The following TMCC1 variants were observed in gnomAD, a reference collection of about 807,000 sequenced individuals.
TMCC1 encodes transmembrane and coiled-coil domains protein 1.
A neutral mutation model predicts 52.4 loss-of-function variants in TMCC1; 15 were observed. That is an observed-to-expected ratio of 0.29 (90% CI 0.19 to 0.44). The LOEUF (loss-of-function observed/expected upper bound fraction) is 0.44. TMCC1 is among the 20% of genes least tolerant of loss of function. The pLI, the probability that TMCC1 is intolerant of heterozygous loss-of-function variation, is 1.00. For missense variants in TMCC1, 503 were observed against 806.0 expected (o/e 0.62, Z 4.55); for synonymous variants, 279 against 301.9 (o/e 0.92, Z 0.79).
intron 5 of TMCC1, among the ~76,000 whole-genome samples, chr3:129,663,128 C>A (rs183760966): frequency 4.7e-4 from 72 of 152,246 alleles, no homozygotes; most frequent in African/African-American, 1.7e-3. Context: ...GAGCCAGGGG[C>A]CTTTTGTGTC....
chr3:129,819,035 C>T (rs1005351206), intron 4 of TMCC1: 3 of 152,766 alleles, frequency 2.0e-5, no homozygotes, highest in African/African-American at 7.2e-5. Context: ...TAGCCTAAGA[C>T]GAAATGAAAT....
chr3:129,871,542 A>T (rs1002129873), intron 2 of TMCC1, among the ~76,000 whole-genome samples: 2 of 152,188 alleles, frequency 1.3e-5, no homozygotes, highest in African/African-American at 4.8e-5. Flanking sequence ...TTATACCATT[A>T]TTCGAGATCT....
At chr3:129,844,040 A>G (rs2059549259) in intron 2 of TMCC1, among the ~76,000 whole-genome samples, 1 of 152,184 alleles carries the variant, frequency 6.6e-6, no homozygotes, top group Admixed American at 6.5e-5. Context: ...TAGGCTAAGT[A>G]GGGTTTATCC....
chr3:129,830,045 C>T (rs554754116), intron 3 of TMCC1, among the ~76,000 whole-genome samples: 1 of 152,294 alleles, frequency 6.6e-6, no homozygotes, highest in South Asian at 2.1e-4. Flanking sequence ...TTTCTAAATG[C>T]CACAAAATTG....
intron 1 of TMCC1, among the ~76,000 whole-genome samples, chr3:129,887,627 T>G (rs1003586063): frequency 1.3e-5 from 2 of 151,530 alleles, no homozygotes; most frequent in African/African-American, 4.9e-5. Context: ...AACAAAATAC[T>G]GTGAGCATTA....
intron 4 of TMCC1, among the ~76,000 whole-genome samples, chr3:129,786,329 T>C (rs1189751627): frequency 6.6e-6 from 1 of 152,180 alleles, no homozygotes; most frequent in Non-Finnish European, 1.5e-5. Context: ...GCTCCCTTCC[T>C]GCAATATTTT....
intron 5 of TMCC1, among the ~76,000 whole-genome samples, chr3:129,667,430 G>A (rs992462056): frequency 1.3e-5 from 2 of 151,538 alleles, no homozygotes; most frequent in Non-Finnish European, 2.9e-5. Flanking sequence ...CCTTTTTTGG[G>A]GAAAAAAAGG....
At chr3:129,681,745 T>G (rs2108921566) in intron 4 of TMCC1, among the ~76,000 whole-genome samples, 1 of 151,892 alleles carries the variant, frequency 6.6e-6, no homozygotes, top group South Asian at 2.1e-4. Context: ...CCGTCTTTAC[T>G]AAAAATACAA....
In TMCC1 at chr3:129,651,316, C is replaced by A; in HGVS notation, c.*165G>T. 1 of 772,612 alleles carries A rather than the reference C, an allele frequency of 1.3e-6. No individual in the cohort carries two copies. The highest frequency in any genetic ancestry group is 2.0e-6 in the Non-Finnish European group (1 of 504,756). The allele number at this position is 772,612 out of a possible 1,614,324, so 47.9% of individuals were successfully genotyped here. On this transcript the variant is annotated 3_prime_UTR_variant, in exon 7 of 7. Transcript: ENST00000393238. The surrounding 1 kb of genome is among the most constrained non-coding windows in gnomAD (Gnocchi z 5.1). The stretch of plus-strand genomic sequence containing the variant: ...CTTCTTGGATAAAATCTAAAAAATA[C>A]TATTGCAATTGCGTCTCTTGAAGAA...
chr3:129,778,299 T>A (rs928579237), intron 4 of TMCC1, among the ~76,000 whole-genome samples: 6 of 152,282 alleles, frequency 3.9e-5, no homozygotes, highest in African/African-American at 1.2e-4. Context: ...TAAAAAACAA[T>A]TTAGGCATAC....
intron 2 of TMCC1, chr3:129,857,451 AAAGAG>A (rs1332377411): frequency 1.3e-5 from 2 of 152,272 alleles, no homozygotes; most frequent in African/African-American, 4.8e-5. Context: ...ATCAATAATT[AAAGAG>A]AAAAGCTACT....
chr3:129,849,968 G>C (rs749855299), intron 2 of TMCC1, among the ~76,000 whole-genome samples: 1 of 151,786 alleles, frequency 6.6e-6, no homozygotes, highest in Non-Finnish European at 1.5e-5. Flanking sequence ...TACATGAGCA[G>C]ATTTGTTGTG....
At position 129,709,497 on chromosome 3, in the gene TMCC1, A is replaced by AAGAGAG. The variant is rs59129244; in HGVS notation, c.577-38239_577-38234dup. On this transcript the variant is annotated intron_variant, in intron 4 of 6. Transcript: ENST00000393238. ...CTCAAAAAAAAAAAAAAAAAAAAAA[A>AAGAGAG]AGAGAGAGAGAGAGAAACTTTAAAT... 4.4e-4 allele frequency among the ~76,000 whole-genome samples: 28 copies of AAGAGAG among 64,066 alleles called. 1 individual carries two copies. The highest frequency in any genetic ancestry group is 1.1e-3 in the East Asian group (2 of 1,762). The allele number at this position is 64,066 out of a possible 152,430, so 42.0% of individuals were successfully genotyped here.
chr3:129,838,914 A>T (rs1269847701), intron 2 of TMCC1, among the ~76,000 whole-genome samples: 1 of 152,172 alleles, frequency 6.6e-6, no homozygotes, highest in African/African-American at 2.4e-5. Flanking sequence ...AAACTTCGTA[A>T]GACAGTGGAG....
At chr3:129,824,580 C>T (rs1560494603) in intron 4 of TMCC1, among the ~76,000 whole-genome samples, 1 of 152,130 alleles carries the variant, frequency 6.6e-6, no homozygotes, top group Non-Finnish European at 1.5e-5. Context: ...AGGACATAGC[C>T]ATAAACATTC....
At chr3:129,793,189 A>C (rs1333906111) in intron 4 of TMCC1, among the ~76,000 whole-genome samples, 1 of 151,952 alleles carries the variant, frequency 6.6e-6, no homozygotes, top group Non-Finnish European at 1.5e-5. Flanking sequence ...ACACACACAC[A>C]CCATGGAGCA....
intron 4 of TMCC1, among the ~76,000 whole-genome samples, chr3:129,736,466 A>T (rs1250431197): frequency 6.6e-6 from 1 of 152,182 alleles, no homozygotes; most frequent in Non-Finnish European, 1.5e-5. Context: ...ATTGTGATGA[A>T]ACTTCTCCTT....
intron 2 of TMCC1, among the ~76,000 whole-genome samples, chr3:129,860,545 G>C (rs1025138858): frequency 1.3e-5 from 2 of 152,018 alleles, no homozygotes; most frequent in Non-Finnish European, 2.9e-5. Flanking sequence ...AATTATCAGA[G>C]AAATTATAAC....
chr3:129,771,807 A>AAGG, intron 4 of TMCC1, among the ~76,000 whole-genome samples: 1 of 148,446 alleles, frequency 6.7e-6, no homozygotes, highest in Non-Finnish European at 1.5e-5. Context: ...AAAGAAGAAG[A>AAGG]AGAAAAAACA....
Sources: allele counts gnomAD v4.1 joint callset (sites outside exome capture counted in the v4.1 genomes callset), GRCh38; gene constraint gnomAD v4.1.1; non-coding constraint Gnocchi (gnomAD v3.1); transcripts MANE v1.5; gene names NCBI Gene and HGNC (gene_info 2026-07-23, HGNC 2026-07-21).